Variants in INPP4B observed in about 807,000 individuals in gnomAD.
INPP4B encodes the protein inositol polyphosphate 4-phosphatase type II.
In INPP4B, 55 loss-of-function variants were observed where a neutral mutation model predicts 122.5. The observed-to-expected ratio is 0.45, with a 90% CI of 0.36 to 0.56. The LOEUF (loss-of-function observed/expected upper bound fraction) is 0.56. Ranked by LOEUF, INPP4B falls within the 20% of genes least tolerant of loss-of-function variation. The pLI, the probability that INPP4B is intolerant of heterozygous loss-of-function variation, is 0.00. For missense variants in INPP4B, 1,000 were observed against 1,097.7 expected (o/e 0.91, Z 1.26); for synonymous variants, 403 against 388.7 (o/e 1.04, Z -0.43).
chr4:142,526,233 A>G (rs1046548630), intron 2 of INPP4B, among the ~76,000 whole-genome samples: 1 of 152,110 alleles, frequency 6.6e-6, no homozygotes, highest in African/African-American at 2.4e-5. Context: ...TATACTATTT[A>G]AAAGCCCTTT....
intron 12 of INPP4B, among the ~76,000 whole-genome samples, chr4:142,213,264 C>T (rs1439376379): frequency 6.6e-6 from 1 of 152,134 alleles, no homozygotes; most frequent in Non-Finnish European, 1.5e-5. Flanking sequence ...AATTTGCCTG[C>T]CACCCAACAG....
chr4:142,279,203 G>C (rs1165954530), intron 9 of INPP4B, among the ~76,000 whole-genome samples: 1 of 151,888 alleles, frequency 6.6e-6, no homozygotes, highest in Non-Finnish European at 1.5e-5. Flanking sequence ...ATTGGAAGAT[G>C]CAACTTTAAA....
chr4:142,372,406 C>T (rs1790267660), intron 7 of INPP4B, among the ~76,000 whole-genome samples: 1 of 151,962 alleles, frequency 6.6e-6, no homozygotes, highest in Non-Finnish European at 1.5e-5. Context: ...TTGAAATGCT[C>T]CCCACACAAA....
Position 142,252,760 on chromosome 4 carries a change from T to A in INPP4B, c.688+7732A>T, listed in dbSNP as rs117622305. 2.4e-3 allele frequency among the ~76,000 whole-genome samples: 369 copies of A among 152,340 alleles called. 5 individuals carry two copies. Among genetic ancestry groups the A allele is most frequent in the East Asian group, 0.024 (123 of 5,182 alleles). ...TATATCTATTCTTTTAACAGCTTTATGAGTTATATAATTAGGAAGTCAAAC... is the reference window on the plus strand; with the variant it reads ...TATATCTATTCTTTTAACAGCTTTAAGAGTTATATAATTAGGAAGTCAAAC... On this transcript the variant is annotated intron_variant, in intron 11 of 25. Coordinates refer to ENST00000262992, the MANE Select transcript of INPP4B (RefSeq NM_001101669.3).
chr4:142,138,389 G>T (rs1191536381), intron 18 of INPP4B, among the ~76,000 whole-genome samples: 1 of 109,118 alleles, frequency 9.2e-6, no homozygotes, highest in Non-Finnish European at 1.8e-5. Context: ...ACTGTTGTGG[G>T]GTGGGGGGAG....
At chr4:142,347,268 T>C in intron 7 of INPP4B, 1 of 167,892 alleles carries the variant, frequency 6.0e-6, no homozygotes, top group Non-Finnish European at 1.3e-5. Flanking sequence ...CTATGTTCCC[T>C]CCACCCAGAC....
At chr4:142,161,256 C>T (rs936747097) in intron 16 of INPP4B, among the ~76,000 whole-genome samples, 10 of 151,926 alleles carry the variant, frequency 6.6e-5, no homozygotes, top group African/African-American at 2.4e-4. Context: ...ATACCTAGTA[C>T]GTACTATAGC....
chr4:142,827,828 G>C (rs1196690511), intron 1 of INPP4B, among the ~76,000 whole-genome samples: 3 of 152,158 alleles, frequency 2.0e-5, no homozygotes, highest in African/African-American at 7.2e-5. Context: ...CTATGTGCTA[G>C]ATATTATGCT....
intron 2 of INPP4B, among the ~76,000 whole-genome samples, chr4:142,574,112 A>C (rs894807181): frequency 6.6e-6 from 1 of 152,066 alleles, no homozygotes; most frequent in African/African-American, 2.4e-5. Context: ...TCAATACCAA[A>C]AGCCTTAATA....
intron 2 of INPP4B, among the ~76,000 whole-genome samples, chr4:142,631,941 C>T (rs541107300): frequency 2.0e-5 from 3 of 152,062 alleles, no homozygotes; most frequent in Non-Finnish European, 2.9e-5. Flanking sequence ...GGCAGCAAGA[C>T]AGACAGATCT....
At chr4:142,330,897 T>C (rs896291234) in intron 7 of INPP4B, among the ~76,000 whole-genome samples, 3 of 152,180 alleles carry the variant, frequency 2.0e-5, no homozygotes, top group Non-Finnish European at 4.4e-5. Flanking sequence ...TAAATCTAAG[T>C]GCACTAAGCA....
Position 142,288,815 on chromosome 4 carries a change from C to T in INPP4B, c.503+16643G>A, listed in dbSNP as rs186183875. Among the ~76,000 whole-genome samples the T allele has an allele frequency of 3.6e-4, 54 of 152,068 alleles. 1 individual carries two copies. Among genetic ancestry groups the T allele is most frequent in the African/African-American group, 1.2e-3 (48 of 41,464 alleles). The stretch of plus-strand genomic sequence containing the variant: ...TATAATGGGGATAATAATATATTAC[C>T]TGCCTTATGAGATATTTTGAAGCTT... On this transcript the variant is annotated intron_variant, in intron 9 of 25. Coordinates refer to ENST00000262992, the MANE Select transcript of INPP4B (RefSeq NM_001101669.3).
intron 9 of INPP4B, among the ~76,000 whole-genome samples, chr4:142,284,857 G>A (rs1474458463): frequency 6.6e-6 from 1 of 152,120 alleles, no homozygotes; most frequent in African/African-American, 2.4e-5. Flanking sequence ...GAAACTCTGG[G>A]CTTAGCCACA....
chr4:142,702,730 C>CAAA lies in INPP4B; in HGVS notation c.-191+23106_-191+23108dup, dbSNP rs35472471. Among the ~76,000 whole-genome samples, 169 of 64,218 alleles carry CAAA rather than the reference C, an allele frequency of 2.6e-3. 1 individual carries two copies. Among genetic ancestry groups the CAAA allele is most frequent in the African/African-American group, 3.7e-3 (61 of 16,488 alleles). 42.1% of individuals were successfully genotyped at this position (64,218 alleles called of 152,430 possible). A position where few individuals can be genotyped will look rare whatever the true frequency, so the allele number is the denominator to read the frequency against. ...GAGCAACAAAATTAAAACTCCGTCT[C>CAAA]AAAAAAAAAAAAAAAAAAAAAAAAG... On this transcript the variant is annotated intron_variant, in intron 2 of 25. Transcript: ENST00000262992.
At chr4:142,086,783 A>G (rs1777037021) in intron 23 of INPP4B, among the ~76,000 whole-genome samples, 1 of 152,200 alleles carries the variant, frequency 6.6e-6, no homozygotes, top group Non-Finnish European at 1.5e-5. Context: ...TCTATTCTGT[A>G]TAACTATGGT....
intron 9 of INPP4B, among the ~76,000 whole-genome samples, chr4:142,284,737 C>A (rs912637386): frequency 6.6e-6 from 1 of 151,950 alleles, no homozygotes; most frequent in African/African-American, 2.4e-5. Context: ...GGTACCTATA[C>A]CCTTGCTAGG....
At chr4:142,413,608 C>T (rs1397988383) in intron 5 of INPP4B, among the ~76,000 whole-genome samples, 1 of 152,100 alleles carries the variant, frequency 6.6e-6, no homozygotes, top group Non-Finnish European at 1.5e-5. Context: ...TTGCTAAATG[C>T]TTAATATGTA....
At chr4:142,541,744 A>T (rs1453895169) in intron 2 of INPP4B, among the ~76,000 whole-genome samples, 3 of 152,022 alleles carry the variant, frequency 2.0e-5, no homozygotes, top group Non-Finnish European at 4.4e-5. Context: ...CTGGCTTCTC[A>T]CACACTCAAC....
intron 1 of INPP4B, among the ~76,000 whole-genome samples, chr4:142,803,875 G>A (rs1354560166): frequency 3.3e-5 from 5 of 151,750 alleles, no homozygotes; most frequent in African/African-American, 7.3e-5. Flanking sequence ...TGGCCAAGAC[G>A]GTGAAATCCC....
Sources: allele counts gnomAD v4.1 joint callset (sites outside exome capture counted in the v4.1 genomes callset), GRCh38; gene constraint gnomAD v4.1.1; transcripts MANE v1.5; gene names NCBI Gene and HGNC (gene_info 2026-07-23, HGNC 2026-07-21).